The following TBX21 variants were observed in gnomAD, a reference collection of about 807,000 sequenced individuals.
The protein encoded by TBX21 is T-box transcription factor TBX21.
TBX21 carries 11 observed loss-of-function variants against 52.2 expected under a neutral mutation model. The ratio of observed to expected loss-of-function variants is 0.21; its 90% CI spans 0.13 to 0.35. The LOEUF (loss-of-function observed/expected upper bound fraction) is 0.35, where lower values mean the gene tolerates loss of function less well. TBX21 is among the 10% of genes least tolerant of loss of function. The pLI, the probability that TBX21 is intolerant of heterozygous loss-of-function variation, is 1.00. For missense variants in TBX21, 625 were observed against 755.1 expected (o/e 0.83, Z 2.02); for synonymous variants, 300 against 316.1 (o/e 0.95, Z 0.54).
intron 5 of TBX21, 63 bp from the exon 6 acceptor site, chr17:47,744,685 G>C: frequency 6.3e-7 from 1 of 1,597,098 alleles, no homozygotes; most frequent in Non-Finnish European, 8.5e-7. Flanking sequence ...GTGTGAAACA[G>C]GTAGGCTCAC....
At chr17:47,736,691 T>G (rs537015358) in intron 1 of TBX21, among the ~76,000 whole-genome samples, 51 of 152,224 alleles carry the variant, frequency 3.4e-4, no homozygotes, top group African/African-American at 1.2e-3. Flanking sequence ...CCTTCTCAGC[T>G]TGGGCTCCTG....
Position 47,733,973 on chromosome 17 carries a change from C to T in TBX21, c.491+28C>T. The T allele has an allele frequency of 3.1e-6, 5 of 1,612,254 alleles. No homozygotes were observed. The African/African-American group carries it at 6.7e-5, about 22-fold the overall frequency. ...GAGTGCGGCGCGCCGGCCCTTGGGG[C>T]CTCTGTGCCCGCGCCGGAACAAGAA... is the stretch of plus-strand genomic sequence containing the variant. On this transcript the variant is annotated intron_variant, in intron 1 of 5. Coordinates refer to ENST00000177694, the MANE Select transcript of TBX21 (RefSeq NM_013351.2). This position sits in a 1 kb window ranked among gnomAD's most constrained non-coding sequence, Gnocchi z 6.6.
chr17:47,741,138 G>A (rs1432671735), intron 1 of TBX21, among the ~76,000 whole-genome samples: 1 of 152,308 alleles, frequency 6.6e-6, no homozygotes. Context: ...ATTGGTGCTG[G>A]TGGAGGTGGT....
At chr17:47,737,181 C>A (rs1168527507) in intron 1 of TBX21, among the ~76,000 whole-genome samples, 2 of 152,116 alleles carry the variant, frequency 1.3e-5, no homozygotes, top group Non-Finnish European at 2.9e-5. Flanking sequence ...CCTGATAATG[C>A]CCCACACAGG....
intron 1 of TBX21, among the ~76,000 whole-genome samples, chr17:47,738,211 G>T (rs896980255): frequency 1.3e-5 from 2 of 152,194 alleles, no homozygotes; most frequent in African/African-American, 4.8e-5. Flanking sequence ...ACGCTGGAGT[G>T]CAGTGGTGCG....
At position 47,745,264 on chromosome 17, in the gene TBX21, G is replaced by A. The variant is rs775826748; in HGVS notation, c.1506G>A (p.Val502=). The change falls in exon 6 of 6, where the codon GTG becomes GTA. Residue 502 remains valine, a synonymous_variant. Coordinates refer to ENST00000177694, the MANE Select transcript of TBX21 (RefSeq NM_013351.2). The part of the protein sequence containing the change: ...LGEGDSKRRR[V]SPYPSSGDSS... ...AAGGAGACTCTAAGAGGAGGCGCGT[G>A]TCCCCCTATCCTTCCAGTGGTGACA... The A allele has an allele frequency of 2.4e-5, 39 of 1,614,202 alleles. No homozygotes were observed. Among genetic ancestry groups the A allele is most frequent in the Non-Finnish European group, 3.3e-5 (39 of 1,180,034 alleles).
At chr17:47,743,888 A>G (rs2032296446) in intron 3 of TBX21, among the ~76,000 whole-genome samples, 1 of 151,790 alleles carries the variant, frequency 6.6e-6, no homozygotes, top group South Asian at 2.1e-4. Context: ...TCAAAAAAAA[A>G]AAAAAAAGAA....
intron 1 of TBX21, among the ~76,000 whole-genome samples, chr17:47,735,402 T>TC (rs1253438882): frequency 6.6e-6 from 1 of 151,626 alleles, no homozygotes; most frequent in Non-Finnish European, 1.5e-5. Context: ...TTCTCTCTGC[T>TC]CCCCCCAACC....
At chr17:47,737,046 C>G (rs1277212593) in intron 1 of TBX21, among the ~76,000 whole-genome samples, 1 of 152,104 alleles carries the variant, frequency 6.6e-6, no homozygotes, top group Non-Finnish European at 1.5e-5. Context: ...GGGGGTGATT[C>G]CTGGGTCTGG....
Position 47,733,534 on chromosome 17 carries a change from C to T in TBX21, c.80C>T (p.Pro27Leu). ...CCGGGGAGCGACGAGGGCCGGGCGC[C>T]TGGCGCCGACCCGCAGCACCGCTAC... ...PMPGSDEGRA[P>L]GADPQHRYFY... The change falls in exon 1 of 6, where the codon CCT becomes CTT. Residue 27 changes from proline to leucine, a missense_variant. By Grantham distance (98) the Pro-to-Leu change is moderately conservative (BLOSUM62 -3). Around this residue, in one of 4 missense-constraint regions of TBX21, gnomAD observed 221 missense variants for 204.9 expected, o/e 1.08. Transcript: ENST00000177694. This position sits in a 1 kb window ranked among gnomAD's most constrained non-coding sequence, Gnocchi z 6.6. 6.7e-7 allele frequency: 1 copy of T among 1,492,030 alleles called. No homozygotes were observed. The highest frequency in any genetic ancestry group is 8.9e-7 in the Non-Finnish European group (1 of 1,127,320). The allele number at this position is 1,492,030 out of a possible 1,614,324, so 92.4% of individuals were successfully genotyped here.
rs369954933 is a variant in TBX21, at chr17:47,743,540, C to T, written c.768+348C>T. ...AAAGGCACAGAGTTGGCCCTGTGGTCCCAGGGAATAGATGCCGAGTTTCTC... is the reference window on the plus strand; with the variant it reads ...AAAGGCACAGAGTTGGCCCTGTGGTTCCAGGGAATAGATGCCGAGTTTCTC... On this transcript the variant is annotated intron_variant, in intron 3 of 5. Coordinates refer to ENST00000177694, the MANE Select transcript of TBX21 (RefSeq NM_013351.2). Among the ~76,000 whole-genome samples the T allele has an allele frequency of 5.9e-5, 9 of 152,224 alleles. No homozygotes were observed. The East Asian group carries it at 1.4e-3, about 23-fold the overall frequency.
At position 47,744,997 on chromosome 17, in the gene TBX21, T is replaced by C. The variant is rs764578360; in HGVS notation, c.1239T>C (p.Pro413=). 1 of 1,613,128 alleles carries C rather than the reference T, an allele frequency of 6.2e-7. No individual in the cohort carries two copies. Among genetic ancestry groups the C allele is most frequent in the Non-Finnish European group, 8.5e-7 (1 of 1,180,018 alleles). Residue 413 remains proline, a synonymous_variant, in exon 6 of 6, where the codon CCT becomes CCC. Transcript: ENST00000177694. ...AGCCTGCATTCTTGCCCTCTGCCCC[T>C]GGGCCCACCATGTCCTACTACCGAG... ...SMKPAFLPSA[P]GPTMSYYRGQ...
rs1567918990 is a variant in TBX21, at chr17:47,734,622, G to GTGTGT, written c.491+677_491+678insTGTGT. Among the ~76,000 whole-genome samples, 268 of 99,490 alleles carry GTGTGT rather than the reference G, an allele frequency of 2.7e-3. 3 individuals are homozygous for GTGTGT. Among genetic ancestry groups the GTGTGT allele is most frequent in the African/African-American group, 8.0e-3 (202 of 25,256 alleles). The allele number at this position is 99,490 out of a possible 152,430, so 65.3% of individuals were successfully genotyped here. A position where few individuals can be genotyped will look rare whatever the true frequency, so the allele number is the denominator to read the frequency against. On this transcript the variant is annotated intron_variant, in intron 1 of 5. Coordinates refer to ENST00000177694, the MANE Select transcript of TBX21 (RefSeq NM_013351.2). Reference sequence around the variant, plus strand: ...GTGTGTGTGTGTGTATGTGTGTGTGGGTGTGTGTGTATGGGGGCTAGTGCA... The same window carrying GTGTGT: ...GTGTGTGTGTGTGTATGTGTGTGTGGTGTGTGTGTGTGTGTATGGGGGCTAGTGCA...
At chr17:47,734,554 G>GGGGT (rs1169549714) in intron 1 of TBX21, among the ~76,000 whole-genome samples, 3 of 102,938 alleles carry the variant, frequency 2.9e-5, no homozygotes, top group African/African-American at 1.2e-4. Flanking sequence ...TCATATGTCT[G>GGGGT]GTGTGTGTGT....
At position 47,745,365 on chromosome 17, in the gene TBX21, G is replaced by A; in HGVS notation, c.1607G>A (p.Ter536=). The change falls in exon 6 of 6, where the codon TGA becomes TAA. Residue 536 remains the stop codon, a stop_retained_variant. Transcript: ENST00000177694. ...CAGTTTTATAACTATTTTCCCAACT[G>A]AGCAGATGACATGATGAAAGGAACA... ...EGQFYNYFPN[*] 6.3e-7 allele frequency: 1 copy of A among 1,588,124 alleles called. No individual in the cohort carries two copies. Among genetic ancestry groups the A allele is most frequent in the African/African-American group, 1.4e-5 (1 of 74,054 alleles).
rs1468035427 is a variant in TBX21, at chr17:47,733,621, C to T, written c.167C>T (p.Ser56Phe). 3 of 1,451,996 alleles carry T rather than the reference C, an allele frequency of 2.1e-6. No individual in the cohort carries two copies. Among genetic ancestry groups the T allele is most frequent in the South Asian group, 1.4e-5 (1 of 73,462 alleles). The allele number at this position is 1,451,996 out of a possible 1,614,324, so 89.9% of individuals were successfully genotyped here. ...CGTCGCGGGGGCGGCAGCCTGGGGT[C>T]TCCCTACCCGGGGGGCGCCTTGGTG... Reference protein sequence around the residue: ...DERRGGGSLGSPYPGGALVPA... With the variant: ...DERRGGGSLGFPYPGGALVPA... Residue 56 changes from serine (S) to phenylalanine (F), a missense_variant, in exon 1 of 6, where the codon TCT becomes TTT. This residue lies in a region of TBX21 where 221 missense variants were observed against 204.9 expected (regional missense o/e 1.08). Transcript: ENST00000177694. The surrounding 1 kb of genome is among the most constrained non-coding windows in gnomAD (Gnocchi z 6.6).
intron 1 of TBX21, among the ~76,000 whole-genome samples, chr17:47,738,880 C>T (rs1477080761): frequency 1.3e-5 from 2 of 152,192 alleles, no homozygotes; most frequent in Non-Finnish European, 2.9e-5. Context: ...GGATTACAGG[C>T]GTGAGCCACC....
At chr17:47,743,556 C>A (rs972230975) in intron 3 of TBX21, among the ~76,000 whole-genome samples, 1 of 152,052 alleles carries the variant, frequency 6.6e-6, no homozygotes, top group Non-Finnish European at 1.5e-5. Flanking sequence ...GAATAGATGC[C>A]GAGTTTCTCT....
At chr17:47,744,374 G>A (rs367684839) in intron 4 of TBX21, 21 bp downstream of exon 4, 62 of 1,614,080 alleles carry the variant, frequency 3.8e-5, no homozygotes, top group Admixed American at 6.7e-5. Flanking sequence ...CCTGAGCCCC[G>A]GTGGGGAGGA....
Sources: allele counts gnomAD v4.1 joint callset (sites outside exome capture counted in the v4.1 genomes callset), GRCh38; gene constraint gnomAD v4.1.1; regional missense constraint gnomAD v4.1.1; non-coding constraint Gnocchi (gnomAD v3.1); transcripts MANE v1.5; gene names NCBI Gene and HGNC (gene_info 2026-07-23, HGNC 2026-07-21).